Variants in CLEC16A observed in about 807,000 individuals in gnomAD.
CLEC16A encodes the protein protein CLEC16A.
Under a neutral mutation model 109.5 loss-of-function variants are expected in CLEC16A, and 51 were observed. The ratio of observed to expected loss-of-function variants is 0.47; its 90% confidence interval spans 0.37 to 0.59. The LOEUF is 0.59. Ranked by LOEUF, CLEC16A falls within the 20% of genes least tolerant of loss-of-function variation. CLEC16A has a pLI of 0.00. For synonymous variants in CLEC16A, 673 were observed against 564.2 expected, an observed-to-expected ratio of 1.19 and a Z score of -2.73; for missense variants, 1,339 against 1,394.0, an observed-to-expected ratio of 0.96 and a Z score of 0.63.
At chr16:10,962,351 G>A in intron 2 of CLEC16A, 104 bp from the exon 3 acceptor site, 3 of 1,399,776 alleles carry the variant, frequency 2.1e-6, no homozygotes, top group Non-Finnish European at 3.0e-6. Flanking sequence ...ATACCTTGGG[G>A]GAGAGGGGTG....
intron 19 of CLEC16A, among the ~76,000 whole-genome samples, chr16:11,100,222 A>T (rs574606476): frequency 1.5e-4 from 23 of 152,010 alleles, no homozygotes; most frequent in Non-Finnish European, 8.8e-5. Flanking sequence ...ACTGCGGGGG[A>T]CTCAGCAATT....
Position 10,961,117 on chromosome 16 carries a change from G to A in CLEC16A, c.210-1338G>A, listed in dbSNP as rs970697184. Among the ~76,000 whole-genome samples the A allele has an allele frequency of 7.2e-5, 11 of 152,122 alleles. No individual in the cohort carries two copies. The highest frequency in any genetic ancestry group is 5.9e-5 in the Non-Finnish European group (4 of 68,026). ...CAAGTTCCCAAGTTGGTCACAGTGC[G>A]GCAGTGAGTTTGCTGGTGGCCCTTA... On this transcript the variant is annotated intron_variant, in intron 2 of 23. Coordinates refer to ENST00000409790, the MANE Select transcript of CLEC16A (RefSeq NM_015226.3). This position sits in a 1 kb window ranked among gnomAD's most constrained non-coding sequence, Gnocchi z 4.3.
chr16:11,029,604 T>C (rs181974151), intron 13 of CLEC16A, among the ~76,000 whole-genome samples: 30 of 152,330 alleles, frequency 2.0e-4, no homozygotes, highest in African/African-American at 7.0e-4. Context: ...CTCTCTCTTA[T>C]GCTGCCTGTT....
chr16:11,014,922 AGT>A (rs2045651218), intron 11 of CLEC16A, among the ~76,000 whole-genome samples: 1 of 152,324 alleles, frequency 6.6e-6, no homozygotes, highest in East Asian at 1.9e-4. Flanking sequence ...GGGGAGGTCA[AGT>A]CCTCTTTGAT....
rs576198884 is a variant in CLEC16A, at chr16:11,153,532, A to G, written c.2642-12856A>G. ...TTAAAAAGGCTAAACAATGAAACGT[A>G]CAGTTGTGTTTAAGAAACGTCACTC... is the stretch of plus-strand genomic sequence containing the variant. On this transcript the variant is annotated intron_variant, in intron 22 of 23. Transcript: ENST00000409790. 5.9e-5 allele frequency among the ~76,000 whole-genome samples: 9 copies of G among 151,552 alleles called. No individual in the cohort carries two copies. The South Asian group carries it at 1.5e-3, about 25-fold the overall frequency.
chr16:11,066,675 A>G (rs2048778795), intron 19 of CLEC16A: 1 of 152,228 alleles, frequency 6.6e-6, no homozygotes, highest in African/African-American at 2.4e-5. Flanking sequence ...CTTGCCTGGC[A>G]TAACCTAGCT....
At chr16:11,158,748 C>T (rs2054618707) in intron 22 of CLEC16A, among the ~76,000 whole-genome samples, 1 of 152,056 alleles carries the variant, frequency 6.6e-6, no homozygotes, top group South Asian at 2.1e-4. Flanking sequence ...CTTGGTGACC[C>T]ATCTCTACTA....
intron 19 of CLEC16A, among the ~76,000 whole-genome samples, chr16:11,116,697 A>G (rs1461497161): frequency 6.6e-6 from 1 of 152,104 alleles, no homozygotes; most frequent in Non-Finnish European, 1.5e-5. Context: ...GAGGGGGGAA[A>G]TCCTTGGAGA....
rs2041871326 is a variant in CLEC16A at position 10,954,082 on chromosome 16, G to A, written c.81-3700G>A. ...CAGGCACCCGGTTTCACTACTGGAA[G>A]AAAGCCCCCACGCAATATCACTGCA... On this transcript the variant is annotated intron_variant, in intron 1 of 23. Coordinates refer to ENST00000409790, the MANE Select transcript of CLEC16A (RefSeq NM_015226.3). The surrounding 1 kb of genome is among the most constrained non-coding windows in gnomAD (Gnocchi z 4.2). 6.6e-6 allele frequency among the ~76,000 whole-genome samples: 1 copy of A among 152,120 alleles called. No individual in the cohort carries two copies. Among genetic ancestry groups the A allele is most frequent in the Non-Finnish European group, 1.5e-5 (1 of 68,040 alleles).
At chr16:11,070,940 G>A (rs1324535899) in intron 19 of CLEC16A, 1 of 152,218 alleles carries the variant, frequency 6.6e-6, no homozygotes, top group Non-Finnish European at 1.5e-5. Flanking sequence ...ACATCGCCCT[G>A]TTTGTTTATT....
At chr16:11,160,107 C>T (rs755673602) in intron 22 of CLEC16A, among the ~76,000 whole-genome samples, 125 of 152,252 alleles carry the variant, frequency 8.2e-4, no homozygotes, top group Non-Finnish European at 1.4e-3. Context: ...TTCACATCTT[C>T]CAAGGGTAGA....
intron 19 of CLEC16A, among the ~76,000 whole-genome samples, chr16:11,116,583 C>T (rs1158609279): frequency 1.3e-5 from 2 of 152,050 alleles, no homozygotes; most frequent in African/African-American, 4.8e-5. Flanking sequence ...AGACAGGTTA[C>T]ACTGTCGGAG....
chr16:11,177,414 AACATGGTGAAACCTCATCTCT>A (rs1259244457), intron 23 of CLEC16A, among the ~76,000 whole-genome samples: 4 of 152,162 alleles, frequency 2.6e-5, no homozygotes, highest in African/African-American at 9.7e-5. Context: ...CAGCCTGGCC[AACATGGTGAAACCTCATCTCT>A]ACAAAAATAC....
At chr16:10,992,567 T>G (rs2147104911) in intron 10 of CLEC16A, among the ~76,000 whole-genome samples, 1 of 96,288 alleles carries the variant, frequency 1.0e-5, no homozygotes, top group Non-Finnish European at 2.7e-5. Context: ...TAACATTAAA[T>G]GGTTTTATTC....
rs118145790 is a variant in CLEC16A at position 11,135,185 on chromosome 16, G to T, written c.2641+9039G>T. 9.7e-4 allele frequency among the ~76,000 whole-genome samples: 148 copies of T among 152,342 alleles called. No individual in the cohort carries two copies. In the East Asian group the frequency reaches 0.025, roughly 26 times the overall value. On this transcript the variant is annotated intron_variant, in intron 22 of 23. Transcript: ENST00000409790. ...AAGAGATCAGCCTTCAAGTGGTGGG[G>T]CAGGGGTGTGGGGAACAGATCCTAC...
At chr16:11,099,637 C>G (rs2050796191) in intron 19 of CLEC16A, among the ~76,000 whole-genome samples, 1 of 152,162 alleles carries the variant, frequency 6.6e-6, no homozygotes, top group Admixed American at 6.5e-5. Flanking sequence ...GATCCCAGCT[C>G]CGTCACTTTC....
rs768422940 is a variant in CLEC16A at position 10,982,870 on chromosome 16, TC to T, written c.958-6del. 1.3e-6 allele frequency: 2 copies of T among 1,530,160 alleles called. No homozygotes were observed. Among genetic ancestry groups the T allele is most frequent in the Non-Finnish European group, 9.1e-7 (1 of 1,104,410 alleles). 94.8% of individuals were successfully genotyped at this position (1,530,160 alleles called of 1,614,324 possible). ...TCATGCAAATCCCGTTTCTTTTTTTTCCGCCAGGTCTTCTTAATTATACATC... is the reference window on the plus strand; with the variant it reads ...TCATGCAAATCCCGTTTCTTTTTTTTCGCCAGGTCTTCTTAATTATACATC... On this transcript the variant is annotated splice_region_variant and splice_polypyrimidine_tract_variant and intron_variant, in intron 9 of 23. Coordinates refer to ENST00000409790, the MANE Select transcript of CLEC16A (RefSeq NM_015226.3).
chr16:10,976,365 A>G (rs114232546), intron 7 of CLEC16A, among the ~76,000 whole-genome samples: 2,389 of 151,274 alleles, frequency 0.016, 54 homozygotes, highest in African/African-American at 0.055. Context: ...TTTCAAGTAT[A>G]TACAGTTAGA....
intron 19 of CLEC16A, among the ~76,000 whole-genome samples, chr16:11,096,177 T>TTA (rs553252113): frequency 5.4e-5 from 8 of 148,652 alleles, no homozygotes; most frequent in Non-Finnish European, 1.2e-4. Context: ...ACCCCATCTC[T>TTA]AAAAAAAAAA....
Sources: gnomAD v4.1 joint callset for allele counts (sites outside exome capture counted in the v4.1 genomes callset) on GRCh38, gnomAD v4.1.1 for gene constraint, Gnocchi (gnomAD v3.1) non-coding constraint, MANE v1.5 for transcripts, NCBI Gene and HGNC (gene_info 2026-07-23, HGNC 2026-07-21) for gene names.